Variants in JAZF1 observed in about 807,000 individuals in gnomAD.
The protein encoded by JAZF1 is JAZF zinc finger 1.
Under a neutral mutation model 26.4 loss-of-function variants are expected in JAZF1, and 8 were observed. That is an observed-to-expected ratio of 0.30 (90% CI 0.18 to 0.55). The LOEUF (loss-of-function observed/expected upper bound fraction) is 0.55. JAZF1 is among the 20% of genes least tolerant of loss of function. The probability of loss-of-function intolerance (pLI) is 0.94; values close to 1 mark genes in which losing one functional copy is unlikely to be tolerated. For synonymous variants in JAZF1, 126 were observed against 122.3 expected, an observed-to-expected ratio of 1.03 and a Z score of -0.20; for missense variants, 199 against 322.0, an observed-to-expected ratio of 0.62 and a Z score of 2.92.
chr7:28,000,297 A>C (rs6945134), intron 1 of JAZF1, among the ~76,000 whole-genome samples: 1 of 152,022 alleles, frequency 6.6e-6, no homozygotes, highest in Non-Finnish European at 1.5e-5. Flanking sequence ...GGAGGGTTCC[A>C]GTATAGTATC....
At chr7:27,901,186 CT>C (rs1484769840) in intron 2 of JAZF1, among the ~76,000 whole-genome samples, 1 of 152,146 alleles carries the variant, frequency 6.6e-6, no homozygotes. Flanking sequence ...ACTGAAACTG[CT>C]GTAAGATTAA....
chr7:28,061,300 C>A (rs1783793854), intron 1 of JAZF1, among the ~76,000 whole-genome samples: 1 of 152,224 alleles, frequency 6.6e-6, no homozygotes, highest in Non-Finnish European at 1.5e-5. Context: ...AACATTCTCT[C>A]TTGTATGATC....
intron 4 of JAZF1, among the ~76,000 whole-genome samples, chr7:27,834,063 C>G (rs181018559): frequency 9.3e-4 from 141 of 152,274 alleles, no homozygotes; most frequent in Middle Eastern, 6.8e-3. Context: ...TACCTAAATC[C>G]AGTCCTGCTA....
In JAZF1 at chr7:28,106,627, C is replaced by T. The variant is rs973579081; in HGVS notation, c.115+73836G>A. 5.9e-5 allele frequency among the ~76,000 whole-genome samples: 9 copies of T among 152,230 alleles called. 1 individual carries two copies. The highest frequency in any genetic ancestry group is 2.2e-4 in the African/African-American group (9 of 41,526). ...TTTTCATTCACCATATGGTCATTTC[C>T]CTCCACTGCAAAGGAGATGCAGTGA... is the stretch of plus-strand genomic sequence containing the variant. On this transcript the variant is annotated intron_variant, in intron 1 of 4. Coordinates refer to ENST00000283928, the MANE Select transcript of JAZF1 (RefSeq NM_175061.4).
intron 1 of JAZF1, among the ~76,000 whole-genome samples, chr7:28,031,338 T>C (rs1428216675): frequency 1.3e-5 from 2 of 152,150 alleles, no homozygotes; most frequent in African/African-American, 4.8e-5. Context: ...AACGTTCATA[T>C]AGAACAAACA....
At chr7:28,040,399 G>C (rs1783369179) in intron 1 of JAZF1, among the ~76,000 whole-genome samples, 1 of 152,198 alleles carries the variant, frequency 6.6e-6, no homozygotes, top group Admixed American at 6.5e-5. Context: ...ATATCGAAGA[G>C]AGATGAGTAC....
intron 3 of JAZF1, chr7:27,846,477 A>C (rs1262812930): frequency 4.2e-6 from 2 of 470,830 alleles, no homozygotes; most frequent in South Asian, 3.1e-5. Context: ...GGTTGTTTCC[A>C]ATTCTTGTCT....
chr7:28,167,276 G>C (rs1186698568), intron 1 of JAZF1, among the ~76,000 whole-genome samples: 4 of 152,186 alleles, frequency 2.6e-5, no homozygotes, highest in Non-Finnish European at 5.9e-5. Context: ...AAAAGACAAG[G>C]AAGGGAAATG....
At chr7:27,922,050 A>C (rs1021092717) in intron 2 of JAZF1, among the ~76,000 whole-genome samples, 3 of 152,148 alleles carry the variant, frequency 2.0e-5, no homozygotes, top group African/African-American at 4.8e-5. Flanking sequence ...TGTTTTAGGG[A>C]ACTTAGTATA....
At chr7:28,146,334 C>T (rs532864633) in intron 1 of JAZF1, among the ~76,000 whole-genome samples, 2 of 152,268 alleles carry the variant, frequency 1.3e-5, no homozygotes, top group African/African-American at 4.8e-5. Flanking sequence ...TAAGTATTTC[C>T]ATTTAGGGAA....
At chr7:28,145,652 C>T (rs1010916695) in intron 1 of JAZF1, among the ~76,000 whole-genome samples, 1 of 152,046 alleles carries the variant, frequency 6.6e-6, no homozygotes, top group African/African-American at 2.4e-5. Flanking sequence ...TCAGAGTCAT[C>T]CATTTTTATG....
chr7:27,843,423 T>C (rs577577532), intron 3 of JAZF1: 4 of 152,322 alleles, frequency 2.6e-5, no homozygotes, highest in African/African-American at 7.2e-5. Context: ...GTGTATAGAA[T>C]ACCTGGGATA....
chr7:27,958,196 A>G (rs565364612), intron 2 of JAZF1, among the ~76,000 whole-genome samples: 4 of 152,214 alleles, frequency 2.6e-5, no homozygotes, highest in Non-Finnish European at 4.4e-5. Context: ...TCAATTTTGG[A>G]TATTTTAACA....
At chr7:28,148,413 G>T (rs950993465) in intron 1 of JAZF1, among the ~76,000 whole-genome samples, 13 of 152,202 alleles carry the variant, frequency 8.5e-5, no homozygotes, top group Non-Finnish European at 1.6e-4. Context: ...TTTTTTAGAG[G>T]CCGCATAGCA....
chr7:28,146,489 G>A (rs1783029801), intron 1 of JAZF1, among the ~76,000 whole-genome samples: 1 of 152,196 alleles, frequency 6.6e-6, no homozygotes, highest in Non-Finnish European at 1.5e-5. Flanking sequence ...AGTACTGTAA[G>A]TACTAATTAA....
chr7:27,925,756 T>G (rs1398969153), intron 2 of JAZF1, among the ~76,000 whole-genome samples: 1 of 152,218 alleles, frequency 6.6e-6, no homozygotes, highest in Non-Finnish European at 1.5e-5. Flanking sequence ...ATGTTGTGTA[T>G]TATGTGTCTT....
chr7:28,180,407 G>T, intron 1 of JAZF1, 56 bp downstream of exon 1: 2 of 1,116,226 alleles, frequency 1.8e-6, no homozygotes, highest in Non-Finnish European at 2.5e-6. Context: ...GGGGCTCCCC[G>T]CCCGGGCAGG....
At chr7:27,838,811 C>T (rs1355120207) in intron 4 of JAZF1, among the ~76,000 whole-genome samples, 1 of 152,156 alleles carries the variant, frequency 6.6e-6, no homozygotes, top group African/African-American at 2.4e-5. Context: ...GTATCATGAC[C>T]TGGCATTCTG....
At chr7:28,041,582 G>A (rs1051718814) in intron 1 of JAZF1, among the ~76,000 whole-genome samples, 9 of 152,062 alleles carry the variant, frequency 5.9e-5, no homozygotes, top group African/African-American at 2.2e-4. Context: ...ACATGTTTGT[G>A]TCTGAGCCTC....
Sources: allele counts gnomAD v4.1 joint callset (sites outside exome capture counted in the v4.1 genomes callset), GRCh38; gene constraint gnomAD v4.1.1; transcripts MANE v1.5; gene names NCBI Gene and HGNC (gene_info 2026-07-23, HGNC 2026-07-21).